The following AGBL4 variants were observed in gnomAD, a reference collection of about 807,000 sequenced individuals.
AGBL4 encodes AGBL carboxypeptidase 4.
Under a neutral mutation model 66.4 loss-of-function variants are expected in AGBL4, and 58 were observed. That is an observed-to-expected ratio of 0.87 (90% CI 0.71 to 1.09). The LOEUF (loss-of-function observed/expected upper bound fraction) is 1.09. AGBL4 is among the 50% of genes least tolerant of loss of function. The pLI is 0.00. For synonymous variants in AGBL4, 234 were observed against 222.9 expected, an observed-to-expected ratio of 1.05 and a Z score of -0.44; for missense variants, 579 against 631.0, an observed-to-expected ratio of 0.92 and a Z score of 0.88.
chr1:49,009,761 G>T (rs926974339), intron 5 of AGBL4, among the ~76,000 whole-genome samples: 1 of 151,602 alleles, frequency 6.6e-6, no homozygotes, highest in Non-Finnish European at 1.5e-5. Flanking sequence ...CATATAAACA[G>T]AGCCAAAGAC....
At chr1:49,668,114 T>G (rs1228475040) in intron 3 of AGBL4, among the ~76,000 whole-genome samples, 1 of 152,172 alleles carries the variant, frequency 6.6e-6, no homozygotes, top group Non-Finnish European at 1.5e-5. Flanking sequence ...AAGACACAGG[T>G]AGTCATATCT....
intron 3 of AGBL4, among the ~76,000 whole-genome samples, chr1:49,440,423 T>C (rs901519966): frequency 5.9e-5 from 9 of 152,110 alleles, no homozygotes; most frequent in African/African-American, 1.2e-4. Context: ...GTGAACTGTA[T>C]AGAGAGTTAT....
chr1:48,680,324 C>T (rs1353746400), intron 6 of AGBL4, among the ~76,000 whole-genome samples: 2 of 152,140 alleles, frequency 1.3e-5, no homozygotes, highest in East Asian at 1.9e-4. Flanking sequence ...AGATCGTGTC[C>T]GTTACCTTGC....
At chr1:49,502,421 T>TG (rs1648252578) in intron 3 of AGBL4, among the ~76,000 whole-genome samples, 1 of 151,972 alleles carries the variant, frequency 6.6e-6, no homozygotes, top group Non-Finnish European at 1.5e-5. Context: ...CTACCAGAAG[T>TG]GGGGTGCTGC....
chr1:49,111,090 C>T (rs1645397344), intron 4 of AGBL4, among the ~76,000 whole-genome samples: 1 of 150,992 alleles, frequency 6.6e-6, no homozygotes, highest in African/African-American at 2.4e-5. Flanking sequence ...TCTTCTATTA[C>T]ATGTTTCCTT....
At chr1:48,591,058 T>TAC (rs1371790683) in intron 9 of AGBL4, 73 bp from the exon 10 acceptor site, 27 of 1,246,578 alleles carry the variant, frequency 2.2e-5, no homozygotes, top group East Asian at 1.1e-4. Context: ...GACACTACAC[T>TAC]ACACACACAC....
intron 3 of AGBL4, among the ~76,000 whole-genome samples, chr1:49,540,176 TCAA>T (rs1651898007): frequency 6.6e-6 from 1 of 152,232 alleles, no homozygotes; most frequent in Non-Finnish European, 1.5e-5. Flanking sequence ...CAATTTGGTG[TCAA>T]TTTACCTTTC....
chr1:49,385,369 TC>T (rs1428457038), intron 3 of AGBL4, among the ~76,000 whole-genome samples: 2 of 152,030 alleles, frequency 1.3e-5, no homozygotes, highest in East Asian at 3.8e-4. Context: ...ATTCTTGTGT[TC>T]TTTTTCAAAC....
intron 5 of AGBL4, among the ~76,000 whole-genome samples, chr1:48,953,357 T>C (rs1343861433): frequency 2.6e-5 from 4 of 152,220 alleles, no homozygotes; most frequent in Non-Finnish European, 5.9e-5. Context: ...CTGCCAGCAC[T>C]AATGATGTTG....
At chr1:49,217,403 G>A (rs897312504) in intron 4 of AGBL4, among the ~76,000 whole-genome samples, 1 of 152,006 alleles carries the variant, frequency 6.6e-6, no homozygotes, top group Non-Finnish European at 1.5e-5. Context: ...TGCATGACCA[G>A]TTCCCATTTT....
intron 3 of AGBL4, among the ~76,000 whole-genome samples, chr1:49,434,683 A>AGTGGTGGTG (rs1281756367): frequency 1.5e-4 from 21 of 141,654 alleles, no homozygotes; most frequent in African/African-American, 4.4e-4. Context: ...TAGTGGTGGT[A>AGTGGTGGTG]GTGGTGGTGG....
In AGBL4 at chr1:48,736,168, T is replaced by A; in HGVS notation, c.635-72927A>T. 1 of 1,502,434 alleles carries A rather than the reference T, an allele frequency of 6.7e-7. No homozygotes were observed. The highest frequency in any genetic ancestry group is 1.1e-5 in the South Asian group (1 of 87,604). 93.1% of individuals were successfully genotyped at this position (1,502,434 alleles called of 1,614,324 possible). A position where few individuals can be genotyped will look rare whatever the true frequency, so the allele number is the denominator to read the frequency against. ...CTTCATAAGTAATCGTTGAATTGAA[T>A]TGTGCCTAACACATTCTTGACAGAG... is the stretch of plus-strand genomic sequence containing the variant. On this transcript the variant is annotated intron_variant, in intron 6 of 13. Transcript: ENST00000371839. This position sits in a 1 kb window ranked among gnomAD's most constrained non-coding sequence, Gnocchi z 4.0.
intron 5 of AGBL4, among the ~76,000 whole-genome samples, chr1:48,907,405 A>G (rs1652702033): frequency 6.6e-6 from 1 of 152,234 alleles, no homozygotes. Flanking sequence ...ACTTCTGTTC[A>G]AGCACTCTAA....
intron 6 of AGBL4, among the ~76,000 whole-genome samples, chr1:48,665,789 A>T (rs984000522): frequency 6.6e-6 from 1 of 152,016 alleles, no homozygotes; most frequent in African/African-American, 2.4e-5. Flanking sequence ...AAAATCACCA[A>T]GCCCTTTTAA....
At chr1:49,807,474 C>A (rs1645001211) in intron 2 of AGBL4, among the ~76,000 whole-genome samples, 1 of 152,158 alleles carries the variant, frequency 6.6e-6, no homozygotes, top group Non-Finnish European at 1.5e-5. Context: ...GACTGTCTCA[C>A]CACTGTAATG....
chr1:49,033,200 G>T (rs916645493), intron 5 of AGBL4, among the ~76,000 whole-genome samples: 5 of 152,090 alleles, frequency 3.3e-5, no homozygotes, highest in Non-Finnish European at 7.4e-5. Context: ...AGAGAATGGT[G>T]ACTTGTGAAG....
intron 3 of AGBL4, among the ~76,000 whole-genome samples, chr1:49,305,831 C>G (rs950646278): frequency 1.3e-5 from 2 of 152,074 alleles, no homozygotes; most frequent in Non-Finnish European, 2.9e-5. Flanking sequence ...GCTGGGATTA[C>G]AGGCAAGTGC....
intron 6 of AGBL4, among the ~76,000 whole-genome samples, chr1:48,797,397 A>G (rs910994812): frequency 2.6e-5 from 4 of 152,136 alleles, no homozygotes; most frequent in Non-Finnish European, 5.9e-5. Context: ...CCAAGTCCCC[A>G]TAATCCATTA....
chr1:48,602,210 G>C (rs1645083360), intron 9 of AGBL4, among the ~76,000 whole-genome samples: 1 of 151,980 alleles, frequency 6.6e-6, no homozygotes, highest in Admixed American at 6.5e-5. Context: ...CTTGGTCTAT[G>C]CCAGGATTTT....
Sources: gnomAD v4.1 joint callset for allele counts (sites outside exome capture counted in the v4.1 genomes callset) on GRCh38, gnomAD v4.1.1 for gene constraint, Gnocchi (gnomAD v3.1) non-coding constraint, MANE v1.5 for transcripts, NCBI Gene and HGNC (gene_info 2026-07-23, HGNC 2026-07-21) for gene names.